The following SYTL3 variants were observed in gnomAD, a reference collection of about 807,000 sequenced individuals.
The protein encoded by SYTL3 is synaptotagmin like 3.
Under a neutral mutation model 82.1 loss-of-function variants are expected in SYTL3, and 88 were observed. The observed-to-expected ratio is 1.07, with a 90% CI of 0.90 to 1.28. SYTL3 has a LOEUF of 1.28. Ranked by LOEUF, SYTL3 falls within the 50% of genes most tolerant of loss-of-function variation. The probability of loss-of-function intolerance (pLI) is 0.00; values close to 1 mark genes in which losing one functional copy is unlikely to be tolerated. For missense variants in SYTL3, 831 were observed against 757.6 expected (o/e 1.10, Z -1.14); for synonymous variants, 311 against 289.4 (o/e 1.07, Z -0.76).
chr6:158,656,302 G>T (rs1056305875), intron 2 of SYTL3, among the ~76,000 whole-genome samples: 1 of 151,692 alleles, frequency 6.6e-6, no homozygotes, highest in African/African-American at 2.4e-5. Context: ...CCTCTTCCTC[G>T]TGGTCCATTC....
In SYTL3 at chr6:158,665,522, T is replaced by C. The variant is rs1789940933; in HGVS notation, c.238T>C (p.Cys80Arg). Reference sequence around the variant, plus strand: ...GTTCCTGCTGCACCGGGGCGCCGTGTGCCGGGGCTGCAGCCACCGCGTGTG... The same window carrying C: ...GTTCCTGCTGCACCGGGGCGCCGTGCGCCGGGGCTGCAGCCACCGCGTGTG... ...LGFLLHRGAV[C>R]RGCSHRVCAQ... Residue 80 changes from cysteine to arginine, a missense_variant, in exon 5 of 18, where the codon TGC (cysteine) becomes CGC (arginine). Coordinates refer to ENST00000611299, the MANE Select transcript of SYTL3 (RefSeq NM_001242394.2). 6.3e-7 allele frequency: 1 copy of C among 1,592,374 alleles called. No individual in the cohort carries two copies. Among genetic ancestry groups the C allele is most frequent in the Non-Finnish European group, 8.5e-7 (1 of 1,170,230 alleles).
chr6:158,761,817 C>A (rs568653497), intron 15 of SYTL3, among the ~76,000 whole-genome samples: 1 of 152,336 alleles, frequency 6.6e-6, no homozygotes, highest in East Asian at 1.9e-4. Context: ...CCTCTCCTTG[C>A]GTTCCTCTTT....
chr6:158,691,697 G>A (rs1476294245), intron 6 of SYTL3, among the ~76,000 whole-genome samples: 2 of 151,510 alleles, frequency 1.3e-5, no homozygotes, highest in African/African-American at 4.8e-5. Flanking sequence ...TGTCGCCCAG[G>A]CTGGAGTGCA....
chr6:158,761,341 C>G (rs1202226963), intron 15 of SYTL3, among the ~76,000 whole-genome samples: 1 of 121,832 alleles, frequency 8.2e-6, no homozygotes, highest in Non-Finnish European at 1.7e-5. Context: ...TTTGCTCTGT[C>G]ACCCAGGCTG....
At position 158,718,149 on chromosome 6, in the gene SYTL3, C is replaced by T. The variant is rs949090506; in HGVS notation, c.658C>T (p.Gln220Ter). The change falls in exon 10 of 18, where the codon CAG (glutamine) becomes TAG (stop). Residue 220 changes from glutamine (Q) to a stop codon, truncating the protein, a stop_gained. Coordinates refer to ENST00000611299, the MANE Select transcript of SYTL3 (RefSeq NM_001242394.2). LOFTEE classifies it high-confidence loss of function. ...GCATCTTCTCGCCACGGGCCCCAGG[C>T]AGTGTGTGGGACAGACAGAGAGACG... ...EKHLLATGPR[Q>*]CVGQTERRSQ... The T allele has an allele frequency of 1.9e-6, 3 of 1,546,964 alleles. No individual in the cohort carries two copies. The highest frequency in any genetic ancestry group is 2.6e-6 in the Non-Finnish European group (3 of 1,145,202).
Position 158,751,931 on chromosome 6 carries a change from T to TCCTA in SYTL3, c.1038_1039insCCTA (p.Val347ProfsTer76). 1 of 1,595,348 alleles carries TCCTA rather than the reference T, an allele frequency of 6.3e-7. No homozygotes were observed. The highest frequency in any genetic ancestry group is 8.5e-7 in the Non-Finnish European group (1 of 1,171,156). ...CCCCGCTGTGTTTGGCCCCTAGGTA[T>TCCTA]GTGAAGACCTACCTGTTGCCCGACA... On this transcript the variant is annotated frameshift_variant, in exon 13 of 18. Coordinates refer to ENST00000611299, the MANE Select transcript of SYTL3 (RefSeq NM_001242394.2). LOFTEE classifies it high-confidence loss of function.
chr6:158,699,211 G>T (rs78643002), intron 6 of SYTL3, among the ~76,000 whole-genome samples: 3,997 of 152,296 alleles, frequency 0.026, 129 homozygotes, highest in South Asian at 0.09. Context: ...TGGAGTCACT[G>T]TGGGACATTC....
intron 5 of SYTL3, among the ~76,000 whole-genome samples, chr6:158,668,744 T>TGG (rs1427578868): frequency 1.3e-5 from 2 of 151,858 alleles, no homozygotes; most frequent in African/African-American, 4.8e-5. Context: ...GCAATAGTGA[T>TGG]GGAGAATGGG....
intron 12 of SYTL3, among the ~76,000 whole-genome samples, chr6:158,749,813 C>G (rs1788168744): frequency 6.6e-6 from 1 of 152,142 alleles, no homozygotes; most frequent in Non-Finnish European, 1.5e-5. Flanking sequence ...TCAAGAGACA[C>G]AAATTGCCAA....
chr6:158,685,050 G>A (rs1204179388), intron 6 of SYTL3, among the ~76,000 whole-genome samples: 1 of 151,980 alleles, frequency 6.6e-6, no homozygotes. Flanking sequence ...TCTATGTACT[G>A]AGGCCTTTTG....
At chr6:158,683,581 G>A (rs1161872489) in intron 6 of SYTL3, among the ~76,000 whole-genome samples, 2 of 152,144 alleles carry the variant, frequency 1.3e-5, no homozygotes, top group African/African-American at 2.4e-5. Context: ...TGCTTCTAGG[G>A]GTGATGTCCC....
At chr6:158,654,947 G>A (rs1044770497) in intron 2 of SYTL3, among the ~76,000 whole-genome samples, 3 of 152,140 alleles carry the variant, frequency 2.0e-5, no homozygotes, top group Admixed American at 2.0e-4. Flanking sequence ...ACAAAGACAG[G>A]CACCATTACA....
At chr6:158,723,712 A>G (rs1784393922) in intron 10 of SYTL3, among the ~76,000 whole-genome samples, 1 of 152,244 alleles carries the variant, frequency 6.6e-6, no homozygotes. Context: ...GTTATTTAAA[A>G]TGTGCCTTTC....
intron 9 of SYTL3, among the ~76,000 whole-genome samples, chr6:158,717,308 GT>G (rs10554536): frequency 0.17 from 25,716 of 148,566 alleles, 2,481 homozygotes; most frequent in Non-Finnish European, 0.23. Context: ...AATTTTACCT[GT>G]TTTTTTTTTT....
chr6:158,648,602 A>AAT (rs1787659641), upstream of SYTL3, among the ~76,000 whole-genome samples: 1 of 137,058 alleles, frequency 7.3e-6, no homozygotes, highest in East Asian at 2.0e-4. Context: ...AAAAAAAAAA[A>AAT]AAAAAAATAA....
At chr6:158,719,187 A>C (rs1345189606) in intron 10 of SYTL3, among the ~76,000 whole-genome samples, 1 of 152,236 alleles carries the variant, frequency 6.6e-6, no homozygotes, top group Non-Finnish European at 1.5e-5. Flanking sequence ...AGCATTGACT[A>C]TGATGTGCTG....
At chr6:158,711,663 C>G (rs1406201326) in intron 8 of SYTL3, among the ~76,000 whole-genome samples, 1 of 152,228 alleles carries the variant, frequency 6.6e-6, no homozygotes, top group East Asian at 1.9e-4. Context: ...AACGGCTACT[C>G]CATAGACAGA....
rs1286742697 is a variant in SYTL3 at position 158,741,225 on chromosome 6, G to A, written c.856-4255G>A. Reference sequence around the variant, plus strand: ...TGGGATTACACAGGTGTGCACCACCGCGCTCAGCTAATTTTTGTGTTTTTA... The same window carrying A: ...TGGGATTACACAGGTGTGCACCACCACGCTCAGCTAATTTTTGTGTTTTTA... On this transcript the variant is annotated intron_variant, in intron 11 of 17. Coordinates refer to ENST00000611299, the MANE Select transcript of SYTL3 (RefSeq NM_001242394.2). 5.3e-5 allele frequency among the ~76,000 whole-genome samples: 8 copies of A among 152,028 alleles called. No homozygotes were observed. The East Asian group carries it at 5.8e-4, about 11-fold the overall frequency.
intron 5 of SYTL3, among the ~76,000 whole-genome samples, chr6:158,681,173 G>A (rs1444595698): frequency 9.9e-5 from 15 of 152,192 alleles, no homozygotes; most frequent in Non-Finnish European, 2.9e-5. Context: ...AGGATGTGAA[G>A]ATCTTATAAT....
Sources: gnomAD v4.1 joint callset for allele counts (sites outside exome capture counted in the v4.1 genomes callset) on GRCh38, gnomAD v4.1.1 for gene constraint, MANE v1.5 for transcripts, NCBI Gene and HGNC (gene_info 2026-07-23, HGNC 2026-07-21) for gene names.